Variants in CEP128 observed in about 807,000 individuals in gnomAD.
CEP128 encodes centrosomal protein 128.
In CEP128, 132 loss-of-function variants were observed where a neutral mutation model predicts 156.7. The ratio of observed to expected loss-of-function variants is 0.84; its 90% CI spans 0.73 to 0.97. The LOEUF (loss-of-function observed/expected upper bound fraction) is 0.97. CEP128 is among the 50% of genes least tolerant of loss of function. The probability of loss-of-function intolerance (pLI) is 0.00; values close to 1 mark genes in which losing one functional copy is unlikely to be tolerated. For synonymous variants in CEP128, 469 were observed against 448.9 expected (o/e 1.04, Z -0.57); for missense variants, 1,252 against 1,281.9 (o/e 0.98, Z 0.36).
At chr14:80,891,594 A>AAC (rs918023066) in intron 8 of CEP128, among the ~76,000 whole-genome samples, 2 of 151,890 alleles carry the variant, frequency 1.3e-5, no homozygotes, top group Non-Finnish European at 2.9e-5. Context: ...GCAAAAAAAA[A>AAC]AAAAAAAATA....
chr14:80,729,983 C>T lies in CEP128; in HGVS notation c.2806+13092G>A, dbSNP rs143234909. Among the ~76,000 whole-genome samples, 1,018 of 152,158 alleles carry T rather than the reference C, an allele frequency of 6.7e-3. 10 individuals are homozygous for T. The highest frequency in any genetic ancestry group is 0.023 in the African/African-American group (951 of 41,516). The stretch of plus-strand genomic sequence containing the variant: ...CAAAGACAGAAATATTAACGAGTAC[C>T]CAACAGAGGCCTCACTGATGTGGAA... On this transcript the variant is annotated intron_variant, in intron 19 of 24. Transcript: ENST00000555265.
chr14:80,530,164 T>C (rs1015108720), intron 22 of CEP128, among the ~76,000 whole-genome samples: 4 of 152,242 alleles, frequency 2.6e-5, no homozygotes, highest in Admixed American at 6.5e-5. Context: ...TTACATTGCA[T>C]CTGCAGCCCT....
intron 9 of CEP128, among the ~76,000 whole-genome samples, chr14:80,851,436 G>T (rs1275026075): frequency 1.3e-5 from 2 of 152,104 alleles, no homozygotes; most frequent in Non-Finnish European, 1.5e-5. Flanking sequence ...CGAGAAGGGA[G>T]AAAAATGTTC....
At chr14:80,927,369 C>T (rs1156889363) in intron 2 of CEP128, among the ~76,000 whole-genome samples, 2 of 152,184 alleles carry the variant, frequency 1.3e-5, no homozygotes, top group Non-Finnish European at 1.5e-5. Context: ...AACTATTTCT[C>T]CCCCTCACTC....
At chr14:80,949,538 C>T (rs1426437189) in intron 2 of CEP128, among the ~76,000 whole-genome samples, 2 of 152,110 alleles carry the variant, frequency 1.3e-5, no homozygotes, top group Non-Finnish European at 2.9e-5. Context: ...AGTGACTCCT[C>T]CCACCAGCCA....
chr14:80,949,230 A>C (rs1300303428), intron 2 of CEP128, among the ~76,000 whole-genome samples: 1 of 152,198 alleles, frequency 6.6e-6, no homozygotes, highest in African/African-American at 2.4e-5. Context: ...TACTGCCTTG[A>C]GAGAGTTTCC....
chr14:80,921,682 G>A (rs1262658191), intron 2 of CEP128, among the ~76,000 whole-genome samples: 4 of 151,932 alleles, frequency 2.6e-5, no homozygotes, highest in Non-Finnish European at 5.9e-5. Flanking sequence ...ATAACAGTCC[G>A]GCCGGGCGCA....
intron 19 of CEP128, among the ~76,000 whole-genome samples, chr14:80,713,608 C>T (rs118118923): frequency 0.025 from 3,869 of 152,230 alleles, 106 homozygotes; most frequent in Non-Finnish European, 0.036. Context: ...TAAGTATCTA[C>T]ACTAGTGGAC....
intron 9 of CEP128, among the ~76,000 whole-genome samples, chr14:80,841,720 T>C (rs571888678): frequency 6.6e-6 from 1 of 152,092 alleles, no homozygotes; most frequent in South Asian, 2.1e-4. Context: ...GTCACTCACC[T>C]ACTTAGTGAC....
In CEP128 at chr14:80,617,219, C is replaced by CTTTTTTTTTTTTTTTTTTTTTTTTTTTT. The variant is rs3069115; in HGVS notation, c.2807-36824_2807-36797dup. On this transcript the variant is annotated intron_variant, in intron 19 of 24. Coordinates refer to ENST00000555265, the MANE Select transcript of CEP128 (RefSeq NM_152446.5). The stretch of plus-strand genomic sequence containing the variant: ...ATCACTTAACCTATGTGAATATCAT[C>CTTTTTTTTTTTTTTTTTTTTTTTTTTTT]TTTTTTTTTTTTTTTTTTTTTTTTT... Among the ~76,000 whole-genome samples, 4 of 60,216 alleles carry CTTTTTTTTTTTTTTTTTTTTTTTTTTTT rather than the reference C, an allele frequency of 6.6e-5. 1 individual carries two copies. Among genetic ancestry groups the CTTTTTTTTTTTTTTTTTTTTTTTTTTTT allele is most frequent in the African/African-American group, 2.6e-4 (4 of 15,470 alleles). 39.5% of individuals were successfully genotyped at this position (60,216 alleles called of 152,430 possible).
intron 16 of CEP128, among the ~76,000 whole-genome samples, chr14:80,766,100 C>T (rs895706927): frequency 6.6e-6 from 1 of 152,098 alleles, no homozygotes; most frequent in African/African-American, 2.4e-5. Flanking sequence ...TGCATAATAT[C>T]CCAAACTTTT....
At chr14:80,591,269 C>G (rs1026509286) in intron 19 of CEP128, among the ~76,000 whole-genome samples, 1 of 151,282 alleles carries the variant, frequency 6.6e-6, no homozygotes, top group African/African-American at 2.4e-5. Flanking sequence ...ACCCATCTCA[C>G]GTACAAAGAC....
intron 21 of CEP128, among the ~76,000 whole-genome samples, chr14:80,553,211 T>C (rs546469908): frequency 1.6e-4 from 24 of 152,104 alleles, no homozygotes; most frequent in Admixed American, 2.6e-4. Flanking sequence ...AAGCCCCACA[T>C]GCATTAGATA....
At chr14:80,774,626 C>CGTGTGTGTGTAT (rs1397865835) in intron 16 of CEP128, among the ~76,000 whole-genome samples, 2 of 150,390 alleles carry the variant, frequency 1.3e-5, no homozygotes, top group Non-Finnish European at 3.0e-5. Flanking sequence ...TGTGTGTGTG[C>CGTGTGTGTGTAT]GTGTGTGTGT....
At chr14:80,639,575 C>A (rs907661075) in intron 19 of CEP128, among the ~76,000 whole-genome samples, 1 of 151,998 alleles carries the variant, frequency 6.6e-6, no homozygotes, top group Non-Finnish European at 1.5e-5. Flanking sequence ...TTGTTAGATC[C>A]CTTATAATGA....
chr14:80,785,689 T>G, intron 14 of CEP128, 144 bp from the exon 15 acceptor site: 1 of 631,936 alleles, frequency 1.6e-6, no homozygotes, highest in Non-Finnish European at 2.6e-6. Context: ...TTCCCATTTT[T>G]TAATAAAAAT....
intron 15 of CEP128, among the ~76,000 whole-genome samples, chr14:80,783,238 T>C (rs1437815037): frequency 6.6e-6 from 1 of 152,212 alleles, no homozygotes; most frequent in Non-Finnish European, 1.5e-5. Context: ...TTCTCTATGT[T>C]GGCAATAGTA....
intron 19 of CEP128, among the ~76,000 whole-genome samples, chr14:80,714,601 T>C (rs1037114633): frequency 4.6e-5 from 7 of 151,984 alleles, no homozygotes; most frequent in Non-Finnish European, 2.9e-5. Context: ...TCTAGAAAAT[T>C]ACCCGAGCTC....
At chr14:80,522,539 C>G (rs1019869717) in intron 23 of CEP128, among the ~76,000 whole-genome samples, 11 of 152,302 alleles carry the variant, frequency 7.2e-5, no homozygotes, top group Non-Finnish European at 1.6e-4. Flanking sequence ...AAAATCATGA[C>G]TTTTCTTTCA....
Sources: gnomAD v4.1 joint callset for allele counts (sites outside exome capture counted in the v4.1 genomes callset) on GRCh38, gnomAD v4.1.1 for gene constraint, MANE v1.5 for transcripts, NCBI Gene and HGNC (gene_info 2026-07-23, HGNC 2026-07-21) for gene names.